Variants in COL21A1 observed in about 807,000 individuals in gnomAD.
The protein encoded by COL21A1 is collagen alpha-1(XXI) chain.
In COL21A1, 149 loss-of-function variants were observed where a neutral mutation model predicts 137.9. The ratio of observed to expected loss-of-function variants is 1.08; its 90% CI spans 0.95 to 1.24. The LOEUF (loss-of-function observed/expected upper bound fraction) is 1.24, where lower values mean the gene tolerates loss of function less well. Among genes scored for constraint, COL21A1 ranks in the 50% most tolerant of loss-of-function variants. COL21A1 has a pLI of 0.00. For synonymous variants in COL21A1, 456 were observed against 391.5 expected (o/e 1.16, Z -1.95); for missense variants, 1,167 against 1,158.4 (o/e 1.01, Z -0.11).
chr6:56,066,145 G>T (rs937557786), intron 23 of COL21A1, among the ~76,000 whole-genome samples: 2 of 151,860 alleles, frequency 1.3e-5, no homozygotes, highest in Non-Finnish European at 2.9e-5. Flanking sequence ...TATGGGTCTA[G>T]AGCTCACAGA....
chr6:56,095,874 TCTCA>T (rs1769272187), intron 17 of COL21A1, among the ~76,000 whole-genome samples: 1 of 152,036 alleles, frequency 6.6e-6, no homozygotes, highest in African/African-American at 2.4e-5. Flanking sequence ...TGAGACAGAG[TCTCA>T]CTCTGTCACC....
intron 1 of COL21A1, among the ~76,000 whole-genome samples, chr6:56,335,322 A>G (rs1352221435): frequency 6.6e-6 from 1 of 151,974 alleles, no homozygotes; most frequent in Non-Finnish European, 1.5e-5. Flanking sequence ...CCAGGAACCA[A>G]CCCCCTTACC....
chr6:56,387,967 C>T (rs964665731), intron 1 of COL21A1, among the ~76,000 whole-genome samples: 1 of 152,118 alleles, frequency 6.6e-6, no homozygotes, highest in Non-Finnish European at 1.5e-5. Flanking sequence ...TGCATCATCC[C>T]GCCCCCAGCT....
intron 1 of COL21A1, among the ~76,000 whole-genome samples, chr6:56,392,280 T>C (rs1280669760): frequency 6.6e-6 from 1 of 152,060 alleles, no homozygotes; most frequent in African/African-American, 2.4e-5. Flanking sequence ...AAAAAAAATT[T>C]GATAAAATTT....
intron 17 of COL21A1, chr6:56,078,028 A>G (rs1370984103): frequency 2.2e-6 from 1 of 454,076 alleles, no homozygotes; most frequent in African/African-American, 2.0e-5. Context: ...CTGAGCCTTG[A>G]AATACCCAAG....
rs78810823 is a variant in COL21A1, at chr6:56,329,149, C to T, written c.-39+64822G>A. On this transcript the variant is annotated intron_variant, in intron 1 of 28. Transcript: ENST00000370819. ...TTTAAACGGTGTAAGGCATATAGTA[C>T]AGGCTCAAAAATTACAGCTAGTATC... Among the ~76,000 whole-genome samples, 491 of 152,232 alleles carry T rather than the reference C, an allele frequency of 3.2e-3. 13 individuals carry two copies. The East Asian group carries it at 0.076, about 24-fold the overall frequency.
chr6:56,205,836 C>A (rs6935200), intron 1 of COL21A1, among the ~76,000 whole-genome samples: 95,665 of 151,508 alleles, frequency 0.63, 30,458 homozygotes, highest in East Asian at 0.86. Context: ...ATTCTACATT[C>A]GTAAAGAAAA....
At position 56,325,710 on chromosome 6, in the gene COL21A1, A is replaced by ATT. The variant is rs1370398495; in HGVS notation, c.-39+68260_-39+68261insAA. On this transcript the variant is annotated intron_variant, in intron 1 of 28. Transcript: ENST00000370819. Reference sequence around the variant, plus strand: ...AATATAAATATATATAATATATAATATATGTAACATTATATATACATATTA... The same window carrying ATT: ...AATATAAATATATATAATATATAATATTTATGTAACATTATATATACATATTA... Among the ~76,000 whole-genome samples, 51 of 36,042 alleles carry ATT rather than the reference A, an allele frequency of 1.4e-3. 21 individuals are homozygous for ATT. The highest frequency in any genetic ancestry group is 5.6e-3 in the African/African-American group (51 of 9,096). The allele number at this position is 36,042 out of a possible 152,430, so 23.6% of individuals were successfully genotyped here. A position where few individuals can be genotyped will look rare whatever the true frequency, so the allele number is the denominator to read the frequency against.
intron 1 of COL21A1, among the ~76,000 whole-genome samples, chr6:56,233,415 T>G (rs931218176): frequency 1.3e-5 from 2 of 151,744 alleles, no homozygotes; most frequent in African/African-American, 4.8e-5. Flanking sequence ...TAAATCTAAT[T>G]GATATATTCA....
At chr6:56,302,174 T>G (rs1476788174) in intron 1 of COL21A1, among the ~76,000 whole-genome samples, 2 of 151,888 alleles carry the variant, frequency 1.3e-5, no homozygotes, top group Admixed American at 1.3e-4. Context: ...TTGTGAATAG[T>G]GCCACAATAA....
At chr6:56,368,103 T>G (rs1766143456) in intron 1 of COL21A1, among the ~76,000 whole-genome samples, 2 of 152,208 alleles carry the variant, frequency 1.3e-5, no homozygotes, top group Non-Finnish European at 2.9e-5. Context: ...AATTTTAACC[T>G]TTTCTAATTT....
chr6:56,385,721 C>A (rs561832164), intron 1 of COL21A1, among the ~76,000 whole-genome samples: 1 of 151,994 alleles, frequency 6.6e-6, no homozygotes, highest in South Asian at 2.1e-4. Context: ...GCCACTCCCC[C>A]TCCCTTCCTC....
intron 1 of COL21A1, among the ~76,000 whole-genome samples, chr6:56,281,346 A>T (rs1763781723): frequency 6.6e-6 from 1 of 152,226 alleles, no homozygotes; most frequent in Non-Finnish European, 1.5e-5. Flanking sequence ...AGTCATAAAT[A>T]GTAAAAACTG....
At chr6:56,092,933 A>G (rs1235796059) in intron 17 of COL21A1, among the ~76,000 whole-genome samples, 1 of 151,962 alleles carries the variant, frequency 6.6e-6, no homozygotes, top group Non-Finnish European at 1.5e-5. Flanking sequence ...GCCTTTCTCA[A>G]TTTTTGGTCA....
chr6:56,069,362 TTTG>T (rs1239783263), intron 21 of COL21A1, among the ~76,000 whole-genome samples: 1 of 151,486 alleles, frequency 6.6e-6, no homozygotes, highest in Non-Finnish European at 1.5e-5. Context: ...TCTGTAAATA[TTTG>T]TTATTTTTAT....
intron 1 of COL21A1, among the ~76,000 whole-genome samples, chr6:56,239,113 T>C (rs972254183): frequency 2.6e-5 from 4 of 152,188 alleles, no homozygotes; most frequent in African/African-American, 9.6e-5. Context: ...GGCCTCAATG[T>C]ATTAGAGCAT....
intron 18 of COL21A1, among the ~76,000 whole-genome samples, chr6:56,075,896 C>G (rs3817983): frequency 0.73 from 111,063 of 151,250 alleles, 41,268 homozygotes; most frequent in East Asian, 0.87. Context: ...GAAAAATAGA[C>G]TAAAAAAATA....
chr6:56,162,633 C>G (rs1377327735), intron 9 of COL21A1, among the ~76,000 whole-genome samples: 4 of 152,182 alleles, frequency 2.6e-5, no homozygotes, highest in African/African-American at 9.7e-5. Context: ...TTGAACCTCA[C>G]TGAGAGTCAG....
chr6:56,107,293 G>C (rs1345622717), intron 16 of COL21A1, among the ~76,000 whole-genome samples: 1 of 151,758 alleles, frequency 6.6e-6, no homozygotes, highest in Non-Finnish European at 1.5e-5. Flanking sequence ...ATAGACTTTT[G>C]AAACACATTA....
Sources: gnomAD v4.1 joint callset for allele counts (sites outside exome capture counted in the v4.1 genomes callset) on GRCh38, gnomAD v4.1.1 for gene constraint, MANE v1.5 for transcripts, NCBI Gene and HGNC (gene_info 2026-07-23, HGNC 2026-07-21) for gene names.